The following SERPINB8 variants were observed in gnomAD, a reference collection of about 807,000 sequenced individuals.
SERPINB8 encodes the protein serpin B8.
In SERPINB8, 25 loss-of-function variants were observed where a neutral mutation model predicts 35.3. That is an observed-to-expected ratio of 0.71 (90% CI 0.52 to 0.99). SERPINB8 has a LOEUF of 0.99. SERPINB8 is among the 50% of genes least tolerant of loss of function. SERPINB8 has a pLI of 0.00. For missense variants in SERPINB8, 484 were observed against 446.5 expected (o/e 1.08, Z -0.76); for synonymous variants, 186 against 160.8 (o/e 1.16, Z -1.19).
intron 4 of SERPINB8, among the ~76,000 whole-genome samples, 174 bp from the exon 5 acceptor site, chr18:63,983,405 G>A (rs1013571215): frequency 6.6e-6 from 1 of 152,126 alleles, no homozygotes; most frequent in South Asian, 2.1e-4. Flanking sequence ...AAGCACAAAT[G>A]TTACACTGTG....
downstream of SERPINB8, among the ~76,000 whole-genome samples, chr18:63,994,372 G>T (rs1375857515): frequency 6.6e-6 from 1 of 151,876 alleles, no homozygotes; most frequent in East Asian, 1.9e-4. Flanking sequence ...TGACAAAGGA[G>T]CTGAGTGGTC....
chr18:64,019,452 A>G lies in SERPINB8; in HGVS notation c.*545A>G, dbSNP rs1174663218. The G allele has an allele frequency of 2.0e-5, 3 of 152,152 alleles. No individual in the cohort carries two copies. The East Asian group carries it at 5.8e-4, about 29-fold the overall frequency. The allele number at this position is 152,152 out of a possible 1,614,324, so 9.4% of individuals were successfully genotyped here. A position where few individuals can be genotyped will look rare whatever the true frequency, so the allele number is the denominator to read the frequency against. On this transcript the variant is annotated 3_prime_UTR_variant, in exon 8 of 8. Transcript: ENST00000636430. ...TCATTCTTGCTCCCACTTCTCCTCG[A>G]CTCCATCCTCCAGATTATTGCCAGA...
At chr18:64,006,570 A>G (rs1364397930), downstream of SERPINB8, among the ~76,000 whole-genome samples, 2 of 152,206 alleles carry the variant, frequency 1.3e-5, no homozygotes, top group Non-Finnish European at 2.9e-5. Context: ...TGCCAGCCTC[A>G]AGAATGCAAA....
Position 64,016,091 on chromosome 18 carries a change from C to A in SERPINB8, c.*3-2819C>A, listed in dbSNP as rs2050948762. Among the ~76,000 whole-genome samples the A allele has an allele frequency of 3.3e-5, 5 of 152,314 alleles. No homozygotes were observed. In the South Asian group the frequency reaches 1.0e-3, roughly 32 times the overall value. ...GTGTCCATGACCTGACAATTCCTTC[C>A]CAGAAAGAGGGCTGGGAGTCTGGGC... is the stretch of plus-strand genomic sequence containing the variant. On this transcript the variant is annotated intron_variant, in intron 7 of 7. Coordinates refer to the SERPINB8 transcript ENST00000636430.
At chr18:63,971,615 T>A (rs958855704) in intron 1 of SERPINB8, among the ~76,000 whole-genome samples, 8 of 152,220 alleles carry the variant, frequency 5.3e-5, no homozygotes, top group Non-Finnish European at 1.2e-4. Context: ...ACTTCTCTAT[T>A]GCAGACAATC....
chr18:63,974,975 G>A, intron 1 of SERPINB8, among the ~76,000 whole-genome samples: 1 of 152,128 alleles, frequency 6.6e-6, no homozygotes, highest in East Asian at 1.9e-4. Flanking sequence ...GAAGAGGAAA[G>A]ATGGAAGAAA....
chr18:63,972,758 T>C (rs1249775500), intron 1 of SERPINB8, among the ~76,000 whole-genome samples: 1 of 151,982 alleles, frequency 6.6e-6, no homozygotes, highest in Admixed American at 6.6e-5. Context: ...TCTGTCTTTG[T>C]GGTAGTTTGC....
chr18:64,011,012 A>G (rs1354550357), intron 7 of SERPINB8, among the ~76,000 whole-genome samples: 2 of 151,964 alleles, frequency 1.3e-5, no homozygotes, highest in South Asian at 2.1e-4. Flanking sequence ...TTCACAATAA[A>G]AAGAAATTTA....
downstream of SERPINB8, among the ~76,000 whole-genome samples, chr18:64,010,604 T>C (rs554373700): frequency 1.3e-5 from 2 of 152,184 alleles, no homozygotes; most frequent in African/African-American, 4.8e-5. Context: ...ACTAATACTG[T>C]TGGGAGGTTG....
chr18:64,006,775 T>A (rs2050901887), downstream of SERPINB8, among the ~76,000 whole-genome samples: 1 of 152,232 alleles, frequency 6.6e-6, no homozygotes, highest in Non-Finnish European at 1.5e-5. Flanking sequence ...TAGAGTACTT[T>A]GTATAAGTTC....
downstream of SERPINB8, among the ~76,000 whole-genome samples, chr18:63,990,192 C>T (rs2050817590): frequency 6.6e-6 from 1 of 150,714 alleles, no homozygotes; most frequent in Non-Finnish European, 1.5e-5. Flanking sequence ...TCTCGTGCCT[C>T]AGACCCCTGA....
intron 7 of SERPINB8, among the ~76,000 whole-genome samples, chr18:64,016,940 G>T (rs1599174571): frequency 6.6e-6 from 1 of 152,036 alleles, no homozygotes; most frequent in African/African-American, 2.4e-5. Flanking sequence ...TTCTGCCAAG[G>T]TATGAAAAGA....
chr18:63,980,299 T>C (rs1041756500), intron 3 of SERPINB8, among the ~76,000 whole-genome samples: 4 of 152,130 alleles, frequency 2.6e-5, no homozygotes, highest in African/African-American at 9.7e-5. Flanking sequence ...TCTCTTAAAT[T>C]TGCCCGCCCT....
At chr18:63,999,586 A>T (rs1166064772) in intron 1 of SERPINB8, among the ~76,000 whole-genome samples, 1 of 152,080 alleles carries the variant, frequency 6.6e-6, no homozygotes, top group Non-Finnish European at 1.5e-5. Flanking sequence ...CTGCCTACCA[A>T]GAAGGACTTC....
chr18:64,012,606 G>T (rs538679828), intron 7 of SERPINB8, among the ~76,000 whole-genome samples: 4 of 151,434 alleles, frequency 2.6e-5, no homozygotes, highest in African/African-American at 9.7e-5. Flanking sequence ...TGTGTGTAAT[G>T]ACTTCTTGAG....
At position 63,985,088 on chromosome 18, in the gene SERPINB8, G is replaced by A. The variant is rs200141903; in HGVS notation, c.568-5G>A. 1,202 of 1,611,994 alleles carry A rather than the reference G, an allele frequency of 7.5e-4. 17 individuals are homozygous for A. The highest frequency in any genetic ancestry group is 2.0e-4 in the Admixed American group (12 of 59,608). Reference sequence around the variant, plus strand: ...TCAGTAATCGAACTTTAATTTTTCCGTTAGGAAAAAAAGACAGTGCAGATG... The same window carrying A: ...TCAGTAATCGAACTTTAATTTTTCCATTAGGAAAAAAAGACAGTGCAGATG... On this transcript the variant is annotated splice_region_variant and splice_polypyrimidine_tract_variant and intron_variant, in intron 5 of 6. Coordinates refer to ENST00000397985, the MANE Select transcript of SERPINB8 (RefSeq NM_002640.4).
intron 7 of SERPINB8, among the ~76,000 whole-genome samples, chr18:64,014,272 G>C (rs763843317): frequency 4.6e-5 from 7 of 152,182 alleles, no homozygotes; most frequent in Non-Finnish European, 8.8e-5. Flanking sequence ...GGAATAGTGA[G>C]GGCAGATAAA....
At chr18:64,003,890 C>T (rs1361981802) in intron 1 of SERPINB8, among the ~76,000 whole-genome samples, 1 of 152,158 alleles carries the variant, frequency 6.6e-6, no homozygotes, top group South Asian at 2.1e-4. Context: ...CACCCAGAAA[C>T]ACCCTCACAG....
chr18:63,996,491 T>C (rs1423027576), intron 1 of SERPINB8, among the ~76,000 whole-genome samples: 1 of 152,150 alleles, frequency 6.6e-6, no homozygotes. Flanking sequence ...CTTGCCTTTA[T>C]GTGGAATGGG....
Sources: gnomAD v4.1 joint callset for allele counts (sites outside exome capture counted in the v4.1 genomes callset) on GRCh38, gnomAD v4.1.1 for gene constraint, MANE v1.5 for transcripts, NCBI Gene and HGNC (gene_info 2026-07-23, HGNC 2026-07-21) for gene names.